KIAA1217: variants seen among roughly 807,000 people sequenced by gnomAD.
KIAA1217 encodes sickle tail protein homolog.
A neutral mutation model predicts 163.9 loss-of-function variants in KIAA1217; 88 were observed. The ratio of observed to expected loss-of-function variants is 0.54; its 90% CI spans 0.45 to 0.64. KIAA1217 has a LOEUF of 0.64. Ranked by LOEUF, KIAA1217 falls within the 30% of genes least tolerant of loss-of-function variation. The probability of loss-of-function intolerance (pLI) is 0.00; values close to 1 mark genes in which losing one functional copy is unlikely to be tolerated. For synonymous variants in KIAA1217, 903 were observed against 923.1 expected (o/e 0.98, Z 0.39); for missense variants, 2,372 against 2,475.0 (o/e 0.96, Z 0.88).
chr10:23,875,048 T>A lies in KIAA1217; in HGVS notation c.-320-132177T>A, dbSNP rs79111666. ...GATGAAAGATGTGCCACACTCTTTT[T>A]AAAGAAGCAGATCTCATGTGAACTC... On this transcript the variant is annotated intron_variant, in intron 1 of 18. Transcript: ENST00000376462. Among the ~76,000 whole-genome samples, 1,376 of 152,018 alleles carry A rather than the reference T, an allele frequency of 9.1e-3. 26 individuals carry two copies. The highest frequency in any genetic ancestry group is 0.031 in the African/African-American group (1,281 of 41,502).
At chr10:24,489,642 G>T (rs927413266) in intron 6 of KIAA1217, among the ~76,000 whole-genome samples, 7 of 151,622 alleles carry the variant, frequency 4.6e-5, no homozygotes, top group Non-Finnish European at 7.4e-5. Flanking sequence ...GGCCGATCTC[G>T]CTTGAGTCCA....
rs113025663 is a variant in KIAA1217, at chr10:23,832,469, A to G, written c.-321+137235A>G. On this transcript the variant is annotated intron_variant, in intron 1 of 18. Coordinates refer to the KIAA1217 transcript ENST00000376462. ...TCATTGCATAAGGATGTTTGATTAC[A>G]TCACTGGCCATTGGTGATCATTCAA... 5.2e-3 allele frequency among the ~76,000 whole-genome samples: 792 copies of G among 152,204 alleles called. 11 individuals carry two copies. Among genetic ancestry groups the G allele is most frequent in the African/African-American group, 0.017 (716 of 41,524 alleles).
At chr10:24,161,882 T>C (rs552178615) in intron 2 of KIAA1217, among the ~76,000 whole-genome samples, 2 of 152,258 alleles carry the variant, frequency 1.3e-5, no homozygotes, top group South Asian at 4.1e-4. Flanking sequence ...GGCATAATGG[T>C]TCAAAGTAGA....
At chr10:23,709,439 G>T (rs900539935) in intron 1 of KIAA1217, among the ~76,000 whole-genome samples, 3 of 151,966 alleles carry the variant, frequency 2.0e-5, no homozygotes, top group African/African-American at 7.3e-5. Flanking sequence ...TAAGGTGGGA[G>T]GATTCCTTGA....
intron 2 of KIAA1217, among the ~76,000 whole-genome samples, chr10:24,194,825 C>T (rs1379496199): frequency 7.4e-6 from 1 of 135,584 alleles, no homozygotes; most frequent in Non-Finnish European, 1.5e-5. Context: ...AGGCTGGTCT[C>T]TCAAACTCCT....
At chr10:24,116,668 GT>G (rs372855840) in intron 2 of KIAA1217, among the ~76,000 whole-genome samples, 6,909 of 151,960 alleles carry the variant, frequency 0.045, 235 homozygotes, top group South Asian at 0.086. Flanking sequence ...GTCTATAAAA[GT>G]TTTTTTTGTC....
At chr10:24,449,257 T>A in intron 5 of KIAA1217, among the ~76,000 whole-genome samples, 1 of 152,188 alleles carries the variant, frequency 6.6e-6, no homozygotes. Flanking sequence ...GCACATCTGA[T>A]ATGCAACTTC....
chr10:24,075,608 T>G (rs2061343901), intron 2 of KIAA1217, among the ~76,000 whole-genome samples: 1 of 140,852 alleles, frequency 7.1e-6, no homozygotes, highest in South Asian at 2.1e-4. Context: ...CATTTTATCT[T>G]TTTTTTTTTT....
At chr10:24,079,951 G>T (rs1457067082) in intron 2 of KIAA1217, among the ~76,000 whole-genome samples, 1 of 152,148 alleles carries the variant, frequency 6.6e-6, no homozygotes, top group East Asian at 1.9e-4. Context: ...AATCAGAGAA[G>T]GATGGCTTAC....
At position 24,025,139 on chromosome 10, in the gene KIAA1217, T is replaced by A. The variant is rs540159129; in HGVS notation, c.-171+17765T>A. Reference sequence around the variant, plus strand: ...CTGTGTTTTTCTCTAAAAGTTTGAATCTTTTTAGGTCTTACATTTAGGTCT... The same window carrying A: ...CTGTGTTTTTCTCTAAAAGTTTGAAACTTTTTAGGTCTTACATTTAGGTCT... On this transcript the variant is annotated intron_variant, in intron 2 of 18. Coordinates refer to the KIAA1217 transcript ENST00000376462. Among the ~76,000 whole-genome samples, 15 of 151,918 alleles carry A rather than the reference T, an allele frequency of 9.9e-5. No homozygotes were observed. In the South Asian group the frequency reaches 3.1e-3, roughly 31 times the overall value.
At chr10:24,351,308 G>A (rs1380461537) in intron 2 of KIAA1217, among the ~76,000 whole-genome samples, 1 of 152,108 alleles carries the variant, frequency 6.6e-6, no homozygotes, top group Non-Finnish European at 1.5e-5. Flanking sequence ...TTTCTATCTG[G>A]TTTTCTTTCT....
intron 2 of KIAA1217, among the ~76,000 whole-genome samples, chr10:24,278,850 A>T (rs2077580052): frequency 8.5e-6 from 1 of 117,624 alleles, no homozygotes; most frequent in African/African-American, 3.3e-5. Context: ...GTGTACTCAG[A>T]TTACTTTTTT....
chr10:24,064,850 T>G (rs1445742211), intron 2 of KIAA1217, among the ~76,000 whole-genome samples: 1 of 152,248 alleles, frequency 6.6e-6, no homozygotes. Flanking sequence ...AGATTCAACT[T>G]CTTCCTGATT....
At position 23,890,766 on chromosome 10, in the gene KIAA1217, G is replaced by A. The variant is rs548313274; in HGVS notation, c.-320-116459G>A. 7.9e-5 allele frequency among the ~76,000 whole-genome samples: 12 copies of A among 152,070 alleles called. No individual in the cohort carries two copies. The South Asian group carries it at 1.9e-3, about 24-fold the overall frequency. On this transcript the variant is annotated intron_variant, in intron 1 of 18. Transcript: ENST00000376462. ...TGTAAATGTCAATTAGGTTAAGTTGGTGAATAGTCTTTTTCAGATCTTCTG... is the reference window on the plus strand; with the variant it reads ...TGTAAATGTCAATTAGGTTAAGTTGATGAATAGTCTTTTTCAGATCTTCTG...
intron 2 of KIAA1217, among the ~76,000 whole-genome samples, chr10:24,321,109 G>A (rs930120966): frequency 3.3e-5 from 5 of 151,782 alleles, no homozygotes; most frequent in Non-Finnish European, 5.9e-5. Flanking sequence ...ACAGTGGGGC[G>A]GTTCCTCAGA....
intron 6 of KIAA1217, among the ~76,000 whole-genome samples, chr10:24,493,604 G>A (rs899415606): frequency 5.9e-5 from 9 of 152,198 alleles, no homozygotes; most frequent in African/African-American, 1.9e-4. Flanking sequence ...CCTGGAGAGA[G>A]AGGAACAGTA....
chr10:24,239,693 G>GTT (rs1554768400), intron 2 of KIAA1217, among the ~76,000 whole-genome samples: 1 of 141,990 alleles, frequency 7.0e-6, no homozygotes, highest in East Asian at 2.2e-4. Context: ...GTGTGTGTGT[G>GTT]TGTTTGTGTG....
intron 1 of KIAA1217, among the ~76,000 whole-genome samples, chr10:23,755,577 C>T (rs886266577): frequency 5.3e-5 from 8 of 152,086 alleles, no homozygotes; most frequent in Admixed American, 3.9e-4. Flanking sequence ...GAGCAAAATA[C>T]TTATAATTCT....
intron 2 of KIAA1217, among the ~76,000 whole-genome samples, chr10:24,012,534 A>G (rs1847279997): frequency 6.6e-6 from 1 of 152,178 alleles, no homozygotes; most frequent in Non-Finnish European, 1.5e-5. Flanking sequence ...AGGGTGTCTG[A>G]TTATAAGATA....
Sources: allele counts gnomAD v4.1 joint callset (sites outside exome capture counted in the v4.1 genomes callset), GRCh38; gene constraint gnomAD v4.1.1; transcripts MANE v1.5; gene names NCBI Gene and HGNC (gene_info 2026-07-23, HGNC 2026-07-21).